Variants in NOTCH2NLB observed in about 807,000 individuals in gnomAD.
NOTCH2NLB encodes the protein notch 2 N-terminal like B, also known as notch homolog 2 N-terminal-like protein B.
In NOTCH2NLB, 1 loss-of-function variant was observed where a neutral mutation model predicts 14.8. The observed-to-expected ratio is 0.07, with a 90% CI of 0.02 to 0.32. The LOEUF (loss-of-function observed/expected upper bound fraction) is 0.32. NOTCH2NLB is among the 10% of genes least tolerant of loss of function. The probability of loss-of-function intolerance (pLI) is 1.00; values close to 1 mark genes in which losing one functional copy is unlikely to be tolerated. For synonymous variants in NOTCH2NLB, 6 were observed against 57.5 expected, an observed-to-expected ratio of 0.10 and a Z score of 4.05; for missense variants, 11 against 155.0, an observed-to-expected ratio of 0.07 and a Z score of 4.93.
chr1:148,628,559 T>A (rs1315399840), intron 2 of NOTCH2NLB, among the ~76,000 whole-genome samples: 1 of 35,040 alleles, frequency 2.9e-5, no homozygotes, highest in Non-Finnish European at 4.6e-5. Context: ...GATTGCCTAA[T>A]GGGATCTGGA....
At chr1:148,637,254 G>A (rs1664225088) in intron 2 of NOTCH2NLB, among the ~76,000 whole-genome samples, 1 of 141,962 alleles carries the variant, frequency 7.0e-6, no homozygotes, top group African/African-American at 2.7e-5. Flanking sequence ...ATTTTTAGTA[G>A]AGATGGGATT....
chr1:148,635,519 AG>A (rs1664188198), intron 2 of NOTCH2NLB, among the ~76,000 whole-genome samples: 1 of 29,824 alleles, frequency 3.4e-5, no homozygotes, highest in Non-Finnish European at 5.5e-5. Flanking sequence ...AACCCCTAGA[AG>A]GGTCACATCT....
At chr1:148,651,161 AAATATATATAT>A (rs1223961178) in intron 1 of NOTCH2NLB, among the ~76,000 whole-genome samples, 18 of 40,536 alleles carry the variant, frequency 4.4e-4, no homozygotes, top group South Asian at 2.2e-3. Context: ...AAAAAAAAAA[AAATATATATAT>A]ATATATATAT....
chr1:148,610,114 G>T lies in NOTCH2NLB; in HGVS notation c.338-2369C>A. 1.4e-5 allele frequency among the ~76,000 whole-genome samples: 2 copies of T among 140,452 alleles called. 1 individual carries two copies. The highest frequency in any genetic ancestry group is 3.1e-5 in the Non-Finnish European group (2 of 64,900). The allele number at this position is 140,452 out of a possible 152,430, so 92.1% of individuals were successfully genotyped here. On this transcript the variant is annotated intron_variant, in intron 3 of 4. Transcript: ENST00000593495. The stretch of plus-strand genomic sequence containing the variant: ...ACCAGCCTGGCCAACATGGTGAAAC[G>T]CCATCTTTTCTAAAAATACAAAAAT...
At chr1:148,673,944 G>C (rs1361603176) in intron 1 of NOTCH2NLB, among the ~76,000 whole-genome samples, 1 of 97,622 alleles carries the variant, frequency 1.0e-5, no homozygotes, top group Admixed American at 1.0e-4. Flanking sequence ...ATCTCCATGA[G>C]AACACCTGAG....
chr1:148,674,444 T>C (rs1664810151), intron 1 of NOTCH2NLB, among the ~76,000 whole-genome samples: 1 of 36,702 alleles, frequency 2.7e-5, no homozygotes, highest in Non-Finnish European at 5.8e-5. Context: ...TTCCCGCCAA[T>C]GCATAAGTCA....
intron 2 of NOTCH2NLB, among the ~76,000 whole-genome samples, chr1:148,638,101 T>A (rs1664255968): frequency 6.7e-6 from 1 of 148,874 alleles, no homozygotes; most frequent in African/African-American, 2.5e-5. Context: ...CCTTTGGGTA[T>A]ATACTCAGTA....
At chr1:148,670,539 A>AAATATATATATACAC (rs1445301786) in intron 1 of NOTCH2NLB, among the ~76,000 whole-genome samples, 38 of 93,440 alleles carry the variant, frequency 4.1e-4, no homozygotes, top group African/African-American at 1.4e-3. Context: ...TAAAAAAAAA[A>AAATATATATATACAC]ATATATATAT....
chr1:148,708,237 G>A, the NOTCH2NLB span, among the ~76,000 whole-genome samples: 40 of 18,860 alleles, frequency 2.1e-3, no homozygotes, highest in Non-Finnish European at 3.2e-3. Flanking sequence ...TCTTCTCAGT[G>A]AGACAAGGGC....
At chr1:148,674,950 TC>T (rs1255911336) in intron 1 of NOTCH2NLB, among the ~76,000 whole-genome samples, 1 of 94,688 alleles carries the variant, frequency 1.1e-5, no homozygotes, top group Admixed American at 9.8e-5. Context: ...GAAAAAAATC[TC>T]AAAAAAAAAT....
chr1:148,670,570 AT>A (rs1664756055), intron 1 of NOTCH2NLB, among the ~76,000 whole-genome samples: 2 of 139,286 alleles, frequency 1.4e-5, no homozygotes, highest in Non-Finnish European at 3.2e-5. Flanking sequence ...ATATATATAT[AT>A]ATATATAAAT....
chr1:148,694,146 A>G, the NOTCH2NLB span, among the ~76,000 whole-genome samples: 16 of 141,756 alleles, frequency 1.1e-4, no homozygotes, highest in Admixed American at 2.8e-4. Context: ...CCATCATAGA[A>G]TTAAGCACAT....
the NOTCH2NLB span, among the ~76,000 whole-genome samples, chr1:148,712,525 C>A: frequency 6.6e-6 from 1 of 152,304 alleles, no homozygotes. Context: ...TCCCAGGGCA[C>A]TCCTATACTG....
At chr1:148,606,594 T>C, downstream of NOTCH2NLB, among the ~76,000 whole-genome samples, 1 of 138,264 alleles carries the variant, frequency 7.2e-6, no homozygotes, top group Middle Eastern at 3.6e-3. Flanking sequence ...TCATCATTTT[T>C]ATAAGGAGTT....
Position 148,615,439 on chromosome 1 carries a change from C to T in NOTCH2NLB, c.337+252G>A, listed in dbSNP as rs1290258033. On this transcript the variant is annotated intron_variant, in intron 3 of 4. Transcript: ENST00000593495. ...TGCTGGGATTGCAAGCGTGCGCCAC[C>T]GCACCTGGCCCTGACATATATACTT... Among the ~76,000 whole-genome samples the T allele has an allele frequency of 1.2e-4, 3 of 24,552 alleles. No individual in the cohort carries two copies. The East Asian group carries it at 2.7e-3, about 22-fold the overall frequency. The allele number at this position is 24,552 out of a possible 152,430, so 16.1% of individuals were successfully genotyped here.
chr1:148,649,560 G>A (rs1315518846), intron 1 of NOTCH2NLB, among the ~76,000 whole-genome samples: 1 of 145,000 alleles, frequency 6.9e-6, no homozygotes, highest in Admixed American at 6.8e-5. Context: ...ACCCAGGCTG[G>A]AGTGCAGTGG....
At position 148,638,656 on chromosome 1, in the gene NOTCH2NLB, C is replaced by A. The variant is rs1162992300; in HGVS notation, c.77+1360G>T. On this transcript the variant is annotated intron_variant, in intron 2 of 4. Coordinates refer to ENST00000593495, the Ensembl canonical transcript of NOTCH2NLB. ...GTTATCTTTACTCCAATCCAAACAA[C>A]CTATTGTTAAGCTTTACTGTCATCA... is the stretch of plus-strand genomic sequence containing the variant. 4.0e-5 allele frequency among the ~76,000 whole-genome samples: 6 copies of A among 149,068 alleles called. 1 individual carries two copies. Among genetic ancestry groups the A allele is most frequent in the African/African-American group, 1.5e-4 (6 of 39,794 alleles).
intron 3 of NOTCH2NLB, among the ~76,000 whole-genome samples, chr1:148,613,416 G>A (rs1222278831): frequency 1.3e-5 from 2 of 150,306 alleles, no homozygotes; most frequent in African/African-American, 4.9e-5. Context: ...TGTTGCCAAA[G>A]GAGATTAACA....
At chr1:148,634,213 C>T (rs1214361537) in intron 2 of NOTCH2NLB, among the ~76,000 whole-genome samples, 1 of 142,124 alleles carries the variant, frequency 7.0e-6, no homozygotes, top group African/African-American at 2.5e-5. Flanking sequence ...GGAAAACTGG[C>T]CAAGCTTCTG....
Sources: gnomAD v4.1 joint callset for allele counts (sites outside exome capture counted in the v4.1 genomes callset) on GRCh38, gnomAD v4.1.1 for gene constraint, MANE v1.5 for transcripts, NCBI Gene and HGNC (gene_info 2026-07-23, HGNC 2026-07-21) for gene names.